The following LMO7 variants were observed in gnomAD, a reference collection of about 807,000 sequenced individuals.
LMO7 encodes LIM domain only protein 7.
Under a neutral mutation model 206.5 loss-of-function variants are expected in LMO7, and 120 were observed. The observed-to-expected ratio is 0.58, with a 90% confidence interval of 0.50 to 0.68. The LOEUF (loss-of-function observed/expected upper bound fraction) is 0.68. Ranked by LOEUF, LMO7 falls within the 30% of genes least tolerant of loss-of-function variation. LMO7 has a pLI of 0.00. For missense variants in LMO7, 1,959 were observed against 1,957.9 expected (o/e 1.00, Z -0.01); for synonymous variants, 706 against 681.5 (o/e 1.04, Z -0.56).
intron 1 of LMO7, among the ~76,000 whole-genome samples, chr13:75,680,288 C>A (rs1389971806): frequency 6.6e-6 from 1 of 152,298 alleles, no homozygotes; most frequent in Middle Eastern, 3.4e-3. Flanking sequence ...TTTCTTTATC[C>A]AGTCTATCAT....
intron 1 of LMO7, among the ~76,000 whole-genome samples, chr13:75,657,248 C>G (rs1434608449): frequency 6.6e-6 from 1 of 152,146 alleles, no homozygotes; most frequent in African/African-American, 2.4e-5. Context: ...TTTCAGACTT[C>G]TAGACTTCAG....
intron 4 of LMO7, among the ~76,000 whole-genome samples, chr13:75,763,892 G>A (rs944656300): frequency 5.3e-5 from 8 of 151,248 alleles, no homozygotes; most frequent in African/African-American, 2.0e-4. Context: ...AATAATCCAG[G>A]ACTCCAACTG....
intron 4 of LMO7, among the ~76,000 whole-genome samples, chr13:75,777,106 C>G (rs1454471025): frequency 6.6e-6 from 1 of 152,228 alleles, no homozygotes; most frequent in Non-Finnish European, 1.5e-5. Context: ...GTTATTTTCA[C>G]TGCATCTCAT....
At chr13:75,678,443 A>G (rs902247984) in intron 1 of LMO7, among the ~76,000 whole-genome samples, 1 of 152,202 alleles carries the variant, frequency 6.6e-6, no homozygotes, top group Non-Finnish European at 1.5e-5. Context: ...TCTTCTTTTG[A>G]GAAGTGTCTG....
chr13:75,662,577 C>A (rs1434931643), intron 1 of LMO7, among the ~76,000 whole-genome samples: 1 of 152,144 alleles, frequency 6.6e-6, no homozygotes, highest in Non-Finnish European at 1.5e-5. Context: ...CTTAGGCCTC[C>A]CAAAGTGTTG....
chr13:75,810,948 A>G (rs1417614501), intron 11 of LMO7, among the ~76,000 whole-genome samples: 1 of 152,226 alleles, frequency 6.6e-6, no homozygotes, highest in Non-Finnish European at 1.5e-5. Context: ...CGGATAGTAC[A>G]ATATTTGTTT....
chr13:75,827,266 T>C (rs1189737478), intron 15 of LMO7, among the ~76,000 whole-genome samples: 2 of 152,190 alleles, frequency 1.3e-5, no homozygotes, highest in Non-Finnish European at 2.9e-5. Flanking sequence ...TGCTTTAGTG[T>C]GTGGGAATTT....
chr13:75,661,552 A>C (rs1225731218), intron 1 of LMO7, among the ~76,000 whole-genome samples: 2 of 152,166 alleles, frequency 1.3e-5, no homozygotes, highest in Non-Finnish European at 2.9e-5. Flanking sequence ...CACCAGAAGT[A>C]AGGAAAAGGG....
chr13:75,762,850 G>A (rs189924516), intron 4 of LMO7, among the ~76,000 whole-genome samples: 96 of 152,186 alleles, frequency 6.3e-4, no homozygotes, highest in African/African-American at 2.1e-3. Context: ...AAGCAAAGGG[G>A]TTGACCCTGG....
intron 4 of LMO7, among the ~76,000 whole-genome samples, chr13:75,775,057 A>G (rs904102193): frequency 1.2e-4 from 19 of 152,156 alleles, no homozygotes; most frequent in Non-Finnish European, 2.6e-4. Flanking sequence ...GTATGTTTTT[A>G]GAAAAACCTC....
intron 2 of LMO7, among the ~76,000 whole-genome samples, chr13:75,725,298 T>A (rs1324378899): frequency 6.6e-6 from 1 of 152,138 alleles, no homozygotes; most frequent in Non-Finnish European, 1.5e-5. Flanking sequence ...TGCCAGACTT[T>A]CCTGACATTT....
intron 13 of LMO7, 23 bp from the exon 14 acceptor site, chr13:75,821,154 A>G: frequency 6.4e-7 from 1 of 1,553,820 alleles, no homozygotes; most frequent in Non-Finnish European, 8.7e-7. Context: ...CTTTGTGGTG[A>G]TGGTGCATTT....
At chr13:75,810,291 G>A (rs544262491) in intron 11 of LMO7, among the ~76,000 whole-genome samples, 7 of 152,322 alleles carry the variant, frequency 4.6e-5, no homozygotes, top group African/African-American at 1.7e-4. Flanking sequence ...AGCCTCAGTA[G>A]CTAAGTATCT....
chr13:75,762,228 A>G (rs1226073244), intron 4 of LMO7, among the ~76,000 whole-genome samples: 1 of 152,186 alleles, frequency 6.6e-6, no homozygotes, highest in Non-Finnish European at 1.5e-5. Context: ...TGCATTTCTG[A>G]CTAATCGAAA....
At chr13:75,780,849 C>T (rs926881044) in intron 4 of LMO7, among the ~76,000 whole-genome samples, 2 of 152,172 alleles carry the variant, frequency 1.3e-5, no homozygotes, top group African/African-American at 2.4e-5. Flanking sequence ...CTGGTCCCTT[C>T]GTTTGGGTTC....
chr13:75,765,086 G>A (rs536000106), intron 4 of LMO7, among the ~76,000 whole-genome samples: 115 of 152,218 alleles, frequency 7.6e-4, no homozygotes, highest in Non-Finnish European at 3.2e-4. Context: ...ATATTTTAAG[G>A]ATGTAACTGT....
At chr13:75,797,948 A>G (rs9600552) in intron 6 of LMO7, among the ~76,000 whole-genome samples, 1,553 of 152,344 alleles carry the variant, frequency 0.01, 26 homozygotes, top group East Asian at 0.068. Context: ...ACAATTGTCT[A>G]AGATAGGTGA....
At chr13:75,679,823 C>T (rs540636614) in intron 1 of LMO7, among the ~76,000 whole-genome samples, 4 of 152,254 alleles carry the variant, frequency 2.6e-5, no homozygotes, top group East Asian at 1.9e-4. Flanking sequence ...CCAAGTGATC[C>T]GCCTGCCTTG....
intron 20 of LMO7, 130 bp from the exon 21 acceptor site, chr13:75,839,954 TA>T: frequency 3.8e-6 from 3 of 790,100 alleles, no homozygotes; most frequent in South Asian, 1.9e-5. Flanking sequence ...GACTATTGTT[TA>T]AAAAAACATT....
Sources: gnomAD v4.1 joint callset for allele counts (sites outside exome capture counted in the v4.1 genomes callset) on GRCh38, gnomAD v4.1.1 for gene constraint, MANE v1.5 for transcripts, NCBI Gene and HGNC (gene_info 2026-07-23, HGNC 2026-07-21) for gene names.